The following SMIM36 variants were observed in gnomAD, a reference collection of about 807,000 sequenced individuals.
The protein encoded by SMIM36 is small integral membrane protein 36.
the SMIM36 span, among the ~76,000 whole-genome samples, chr17:55,518,437 A>G: frequency 6.6e-6 from 1 of 152,240 alleles, no homozygotes; most frequent in Non-Finnish European, 1.5e-5. Context: ...TGGGTTCAAC[A>G]AAGGCAGTGA....
intron 4 of SMIM36, among the ~76,000 whole-genome samples, chr17:55,461,829 A>G: frequency 6.6e-6 from 1 of 152,206 alleles, no homozygotes; most frequent in East Asian, 1.9e-4. Flanking sequence ...GAATGAGTTA[A>G]ATGTCTCCTT....
intron 4 of SMIM36, among the ~76,000 whole-genome samples, chr17:55,454,281 A>G (rs543989767): frequency 1.6e-4 from 24 of 152,366 alleles, no homozygotes; most frequent in African/African-American, 5.5e-4. Flanking sequence ...AGCTTTCAAA[A>G]TAAGATAGGA....
At chr17:55,454,695 T>C (rs1431568488) in intron 4 of SMIM36, among the ~76,000 whole-genome samples, 1 of 152,224 alleles carries the variant, frequency 6.6e-6, no homozygotes, top group Admixed American at 6.5e-5. Context: ...ATGCTTACAA[T>C]ACATTTTTAG....
chr17:55,499,238 A>C (rs1342201361), intron 1 of SMIM36, among the ~76,000 whole-genome samples: 1 of 152,144 alleles, frequency 6.6e-6, no homozygotes, highest in Non-Finnish European at 1.5e-5. Flanking sequence ...CCTTTGGATT[A>C]AACAGATGCT....
intron 4 of SMIM36, among the ~76,000 whole-genome samples, chr17:55,458,835 A>G (rs1296632515): frequency 6.6e-6 from 1 of 151,796 alleles, no homozygotes; most frequent in Non-Finnish European, 1.5e-5. Flanking sequence ...GCTGAGAGCT[A>G]CCTCCACGCA....
At chr17:55,456,358 C>T (rs1308599208) in intron 4 of SMIM36, among the ~76,000 whole-genome samples, 1 of 152,112 alleles carries the variant, frequency 6.6e-6, no homozygotes, top group Non-Finnish European at 1.5e-5. Flanking sequence ...CCTGCTGTGC[C>T]TCAGTTTTCT....
chr17:55,523,611 C>T, the SMIM36 span, among the ~76,000 whole-genome samples: 1 of 151,376 alleles, frequency 6.6e-6, no homozygotes, highest in African/African-American at 2.4e-5. Flanking sequence ...TCAGAAGAAA[C>T]CAGACCTGCA....
intron 3 of SMIM36, among the ~76,000 whole-genome samples, chr17:55,470,822 C>T (rs915543032): frequency 3.3e-5 from 5 of 152,100 alleles, no homozygotes; most frequent in African/African-American, 9.7e-5. Context: ...CCCTGCTCAA[C>T]ACCAATATCC....
At chr17:55,495,319 G>A (rs575632342) in intron 1 of SMIM36, among the ~76,000 whole-genome samples, 2 of 152,218 alleles carry the variant, frequency 1.3e-5, no homozygotes, top group African/African-American at 4.8e-5. Context: ...TTTATTATTA[G>A]AAACAAACTA....
chr17:55,518,837 G>T, the SMIM36 span, among the ~76,000 whole-genome samples: 1 of 151,984 alleles, frequency 6.6e-6, no homozygotes, highest in African/African-American at 2.4e-5. Context: ...ATATGAGAGA[G>T]AAAAGGAAAA....
chr17:55,530,221 A>G, the SMIM36 span, among the ~76,000 whole-genome samples: 15 of 152,226 alleles, frequency 9.9e-5, no homozygotes, highest in African/African-American at 3.4e-4. Flanking sequence ...TGGCTTCCAG[A>G]GATTGACTGA....
At chr17:55,511,639 A>G (rs1404440182), upstream of SMIM36, among the ~76,000 whole-genome samples, 3 of 152,234 alleles carry the variant, frequency 2.0e-5, no homozygotes, top group Non-Finnish European at 2.9e-5. Context: ...TAAGTAGAGC[A>G]TTCACATAAT....
chr17:55,494,408 A>T (rs7211627), intron 1 of SMIM36, among the ~76,000 whole-genome samples: 48,461 of 151,750 alleles, frequency 0.32, 11,921 homozygotes, highest in African/African-American at 0.66. Context: ...TTAATTTTTT[A>T]AAAAAACTTC....
At chr17:55,463,790 A>G (rs887179103) in intron 4 of SMIM36, among the ~76,000 whole-genome samples, 1 of 151,952 alleles carries the variant, frequency 6.6e-6, no homozygotes, top group African/African-American at 2.4e-5. Context: ...ACTTGAGGTC[A>G]CTAGTTGCTC....
At chr17:55,476,684 C>G (rs1245138580) in intron 3 of SMIM36, among the ~76,000 whole-genome samples, 1 of 152,156 alleles carries the variant, frequency 6.6e-6, no homozygotes, top group African/African-American at 2.4e-5. Flanking sequence ...TCTCCCACCT[C>G]AGCCTCCTGA....
intron 3 of SMIM36, among the ~76,000 whole-genome samples, chr17:55,469,179 C>T (rs1238051376): frequency 6.6e-6 from 1 of 152,114 alleles, no homozygotes; most frequent in Non-Finnish European, 1.5e-5. Context: ...AGCCTCCACT[C>T]CCCCACCCTA....
chr17:55,489,117 C>T (rs1440039285), intron 1 of SMIM36, among the ~76,000 whole-genome samples: 1 of 152,194 alleles, frequency 6.6e-6, no homozygotes, highest in Non-Finnish European at 1.5e-5. Context: ...ATGACTCACG[C>T]CTGTAATCCC....
chr17:55,483,130 C>T (rs75604199), intron 1 of SMIM36, among the ~76,000 whole-genome samples: 2,548 of 152,260 alleles, frequency 0.017, 67 homozygotes, highest in African/African-American at 0.058. Flanking sequence ...CTCAAGTTTA[C>T]ATAGGAAGCA....
In SMIM36 at chr17:55,474,816, G is replaced by C. The variant is rs531100975; in HGVS notation, c.*347+3946C>G. ...GCACAAAGTAAGCCCACCCCACTAG[G>C]AACTATGTTGAAAAATTTCGAAAAG... On this transcript the variant is annotated intron_variant, in intron 3 of 4. Transcript: ENST00000636752. Among the ~76,000 whole-genome samples the C allele has an allele frequency of 1.1e-4, 17 of 152,228 alleles. No homozygotes were observed. In the East Asian group the frequency reaches 3.1e-3, roughly 28 times the overall value.
Sources: allele counts gnomAD v4.1 joint callset (sites outside exome capture counted in the v4.1 genomes callset), GRCh38; gene constraint gnomAD v4.1.1; transcripts MANE v1.5; gene names NCBI Gene and HGNC (gene_info 2026-07-23, HGNC 2026-07-21).